DRC8: variants seen among roughly 807,000 people sequenced by gnomAD.
DRC8 encodes the protein dynein regulatory complex subunit 8.
chr1:245,093,819 C>A, the DRC8 span, among the ~76,000 whole-genome samples: 6 of 152,150 alleles, frequency 3.9e-5, no homozygotes, highest in South Asian at 1.0e-3. Context: ...AAAATCGGGC[C>A]ATGGTTTTAT....
At chr1:245,087,745 A>G in the DRC8 span, 2 of 989,674 alleles carry the variant, frequency 2.0e-6, no homozygotes, top group South Asian at 9.3e-5. Flanking sequence ...GAAAACGAGT[A>G]GCAGTGTAAT....
chr1:245,050,479 C>T, the DRC8 span, among the ~76,000 whole-genome samples: 1 of 152,144 alleles, frequency 6.6e-6, no homozygotes, highest in Non-Finnish European at 1.5e-5. Flanking sequence ...CTGAGGGGGT[C>T]ACTGCTTGAA....
the DRC8 span, among the ~76,000 whole-genome samples, chr1:245,082,523 T>G: frequency 6.6e-6 from 1 of 152,224 alleles, no homozygotes; most frequent in South Asian, 2.1e-4. Flanking sequence ...AGAAGTCTTG[T>G]GCCCAGATAA....
the DRC8 span, chr1:245,082,062 A>G: frequency 2.7e-5 from 43 of 1,574,870 alleles, no homozygotes; most frequent in East Asian, 9.6e-4. Context: ...CTAAATGGCT[A>G]TTTACTTATT....
the DRC8 span, among the ~76,000 whole-genome samples, chr1:245,080,937 C>T: frequency 2.6e-5 from 4 of 152,092 alleles, no homozygotes; most frequent in Admixed American, 6.6e-5. Flanking sequence ...GCCTCCTAGC[C>T]GCCAATGTGT....
the DRC8 span, among the ~76,000 whole-genome samples, chr1:245,043,384 G>T: frequency 6.6e-6 from 1 of 151,460 alleles, no homozygotes; most frequent in African/African-American, 2.4e-5. Flanking sequence ...AGTGAGCCGA[G>T]ATTATGCCAC....
chr1:245,079,671 T>G, the DRC8 span, among the ~76,000 whole-genome samples: 1 of 152,198 alleles, frequency 6.6e-6, no homozygotes, highest in Admixed American at 6.5e-5. Context: ...TTTTGGTCTT[T>G]TAAAGGTTGA....
the DRC8 span, among the ~76,000 whole-genome samples, chr1:245,047,687 C>A: frequency 6.8e-6 from 1 of 147,422 alleles, no homozygotes. Flanking sequence ...TCATAAGGGG[C>A]TGGTGCAGTG....
chr1:245,087,603 A>G, the DRC8 span: 5 of 1,103,286 alleles, frequency 4.5e-6, no homozygotes, highest in Non-Finnish European at 5.5e-6. Context: ...TAACATTAGA[A>G]TGGATTGTTG....
At chr1:245,075,991 G>C in the DRC8 span, among the ~76,000 whole-genome samples, 1 of 152,160 alleles carries the variant, frequency 6.6e-6, no homozygotes, top group East Asian at 1.9e-4. Context: ...CTAGACATGG[G>C]GCGAGGCAAC....
At chr1:245,099,675 C>T in the DRC8 span, among the ~76,000 whole-genome samples, 2 of 152,214 alleles carry the variant, frequency 1.3e-5, no homozygotes, top group Non-Finnish European at 2.9e-5. Flanking sequence ...TCAAAGCACA[C>T]GCTGATCGCT....
the DRC8 span, among the ~76,000 whole-genome samples, chr1:244,983,905 T>A: frequency 6.7e-6 from 1 of 149,468 alleles, no homozygotes; most frequent in South Asian, 2.1e-4. Context: ...TATACAAGGA[T>A]TTTTTTTTTG....
the DRC8 span, chr1:245,001,979 T>C: frequency 1.6e-6 from 1 of 643,402 alleles, no homozygotes. Context: ...GTTTATTGAA[T>C]GTTATTTGAA....
the DRC8 span, among the ~76,000 whole-genome samples, chr1:245,009,475 TTTTTTTTTTTG>T: frequency 2.0e-5 from 3 of 149,932 alleles, no homozygotes; most frequent in East Asian, 5.9e-4. Context: ...AAACGATTTT[TTTTTTTTTTTG>T]AGTTGGAGTC....
the DRC8 span, among the ~76,000 whole-genome samples, chr1:245,099,492 C>T: frequency 6.6e-6 from 1 of 152,218 alleles, no homozygotes. Context: ...CCCGCCCTGC[C>T]CCGACACCAG....
chr1:245,059,150 C>T, the DRC8 span, among the ~76,000 whole-genome samples: 2 of 152,160 alleles, frequency 1.3e-5, no homozygotes, highest in South Asian at 4.1e-4. Context: ...CTTTCTAGAA[C>T]TTTTTTATAT....
At chr1:244,971,701 A>G in the DRC8 span, among the ~76,000 whole-genome samples, 9 of 152,188 alleles carry the variant, frequency 5.9e-5, no homozygotes, top group Non-Finnish European at 1.2e-4. Context: ...AACAGCTAAT[A>G]TTTACAAGGG....
chr1:245,119,548 C>G, the DRC8 span, among the ~76,000 whole-genome samples: 1 of 151,990 alleles, frequency 6.6e-6, no homozygotes, highest in Non-Finnish European at 1.5e-5. Flanking sequence ...CCTGTAGTCC[C>G]AGCTACATGG....
chr1:244,972,188 CAT>C, the DRC8 span, among the ~76,000 whole-genome samples: 1 of 152,122 alleles, frequency 6.6e-6, no homozygotes, highest in Non-Finnish European at 1.5e-5. Context: ...GTCGATAACT[CAT>C]AGAAGTAATG....
Sources: gnomAD v4.1 joint callset for allele counts (sites outside exome capture counted in the v4.1 genomes callset) on GRCh38, gnomAD v4.1.1 for gene constraint, MANE v1.5 for transcripts, NCBI Gene and HGNC (gene_info 2026-07-23, HGNC 2026-07-21) for gene names.